Variants in CRACD observed in about 807,000 individuals in gnomAD.
CRACD encodes the protein capping protein inhibiting regulator of actin dynamics.
Under a neutral mutation model 106.8 loss-of-function variants are expected in CRACD, and 56 were observed. The ratio of observed to expected loss-of-function variants is 0.52; its 90% CI spans 0.42 to 0.66. The LOEUF (loss-of-function observed/expected upper bound fraction) is 0.66, where lower values mean the gene tolerates loss of function less well. Among genes scored for constraint, CRACD ranks in the 30% least tolerant of loss-of-function variants. CRACD has a pLI of 0.00. For missense variants in CRACD, 1,730 were observed against 1,623.2 expected, an observed-to-expected ratio of 1.07 and a Z score of -1.13; for synonymous variants, 754 against 670.8, an observed-to-expected ratio of 1.12 and a Z score of -1.92.
chr4:56,078,745 A>C (rs1010486962), intron 1 of CRACD, among the ~76,000 whole-genome samples: 1 of 152,142 alleles, frequency 6.6e-6, no homozygotes, highest in African/African-American at 2.4e-5. Flanking sequence ...TCCAAGTTTC[A>C]CTTTTCCCTT....
intron 2 of CRACD, among the ~76,000 whole-genome samples, chr4:56,185,294 C>G (rs1737039877): frequency 6.6e-6 from 1 of 152,106 alleles, no homozygotes. Flanking sequence ...GTTTTGCACC[C>G]GTCACCTCTG....
chr4:56,206,164 G>C (rs1338794512), intron 2 of CRACD, among the ~76,000 whole-genome samples: 1 of 152,228 alleles, frequency 6.6e-6, no homozygotes. Flanking sequence ...CGTTTTCCCT[G>C]TTAGGCTGTA....
At chr4:56,190,794 G>T (rs1035843495) in intron 2 of CRACD, among the ~76,000 whole-genome samples, 2 of 152,144 alleles carry the variant, frequency 1.3e-5, no homozygotes, top group Non-Finnish European at 2.9e-5. Flanking sequence ...CCACTAGGCA[G>T]TGCCCCAGTG....
Position 56,073,254 on chromosome 4 carries a change from C to T in CRACD, c.-336+23955C>T, listed in dbSNP as rs137856822. ...AAAAGCTTTCCTATTTCTCCACATC[C>T]TCTCCAGCATCTGTTGTTTCCTGTC... On this transcript the variant is annotated intron_variant, in intron 1 of 10. Transcript: ENST00000682029. Among the ~76,000 whole-genome samples, 949 of 152,328 alleles carry T rather than the reference C, an allele frequency of 6.2e-3. 10 individuals are homozygous for T. The highest frequency in any genetic ancestry group is 0.022 in the African/African-American group (894 of 41,570).
At chr4:56,120,722 C>A (rs1734456699) in intron 1 of CRACD, among the ~76,000 whole-genome samples, 1 of 152,246 alleles carries the variant, frequency 6.6e-6, no homozygotes, top group Non-Finnish European at 1.5e-5. Context: ...GATAGAATCC[C>A]ATAGTAACTA....
chr4:56,218,634 C>T (rs1439200850), intron 2 of CRACD, among the ~76,000 whole-genome samples: 1 of 149,652 alleles, frequency 6.7e-6, no homozygotes, highest in Non-Finnish European at 1.5e-5. Context: ...TTTCAACAGG[C>T]TCTCTCTCTG....
chr4:56,326,350 AAGAG>A (rs1271860977), intron 10 of CRACD, among the ~76,000 whole-genome samples: 1 of 152,218 alleles, frequency 6.6e-6, no homozygotes, highest in Non-Finnish European at 1.5e-5. Context: ...GAGTGAGAAA[AAGAG>A]AGAGAATGAG....
At chr4:56,228,959 A>G (rs1739465654) in intron 2 of CRACD, among the ~76,000 whole-genome samples, 1 of 152,232 alleles carries the variant, frequency 6.6e-6, no homozygotes, top group South Asian at 2.1e-4. Flanking sequence ...CGACAAGTAC[A>G]TATCACAGAG....
intron 2 of CRACD, among the ~76,000 whole-genome samples, chr4:56,243,512 C>G (rs1198948079): frequency 2.0e-5 from 3 of 152,172 alleles, no homozygotes; most frequent in Admixed American, 1.3e-4. Context: ...AACAAATACA[C>G]TATATTAAAA....
chr4:56,253,900 G>GT (rs896658497), intron 2 of CRACD, among the ~76,000 whole-genome samples: 1 of 152,106 alleles, frequency 6.6e-6, no homozygotes, highest in Non-Finnish European at 1.5e-5. Flanking sequence ...ACAGCTCTGG[G>GT]TTTTTTTCCT....
intron 1 of CRACD, among the ~76,000 whole-genome samples, chr4:56,151,779 T>C (rs1577695783): frequency 6.6e-6 from 1 of 152,272 alleles, no homozygotes; most frequent in African/African-American, 2.4e-5. Context: ...TTTTGCAGAT[T>C]ATTTGCCACT....
intron 2 of CRACD, among the ~76,000 whole-genome samples, chr4:56,189,448 G>A (rs999149474): frequency 3.3e-5 from 5 of 151,698 alleles, no homozygotes; most frequent in African/African-American, 4.8e-5. Flanking sequence ...TGCACAACCT[G>A]CAGGTTTGTT....
chr4:56,286,928 C>T (rs1295977201), intron 3 of CRACD, among the ~76,000 whole-genome samples: 1 of 152,158 alleles, frequency 6.6e-6, no homozygotes, highest in Non-Finnish European at 1.5e-5. Flanking sequence ...ACCATTGCTG[C>T]TGGCATGCTT....
chr4:56,138,492 G>A (rs1446848380), intron 1 of CRACD, among the ~76,000 whole-genome samples: 1 of 151,926 alleles, frequency 6.6e-6, no homozygotes, highest in South Asian at 2.1e-4. Flanking sequence ...AAAATAAAAA[G>A]TAAATCACTA....
chr4:56,216,219 T>G (rs1738666194), intron 2 of CRACD: 1 of 152,254 alleles, frequency 6.6e-6, no homozygotes. Context: ...AAATGGGCTC[T>G]TTGCATGATA....
At position 56,316,115 on chromosome 4, in the gene CRACD, G is replaced by T. The variant is rs760923358; in HGVS notation, c.2613G>T (p.Arg871Ser). 4.3e-6 allele frequency: 7 copies of T among 1,614,108 alleles called. No homozygotes were observed. In the South Asian group the frequency reaches 7.7e-5, roughly 18 times the overall value. ...DQQAEQKKKK[R>S]HSSTGDSADA... The stretch of plus-strand genomic sequence containing the variant: ...AGGCAGAACAGAAGAAGAAGAAGAG[G>T]CACAGCAGCACCGGAGACAGCGCGG... Residue 871 changes from arginine (R) to serine (S), a missense_variant, in exon 8 of 11, where the codon AGG (arginine) becomes AGT (serine). Arg to Ser is a moderately radical substitution (Grantham distance 110). Coordinates refer to ENST00000682029, the MANE Select transcript of CRACD (RefSeq NM_001393381.1).
intron 8 of CRACD, among the ~76,000 whole-genome samples, chr4:56,322,766 C>T (rs1245066686): frequency 3.3e-5 from 5 of 152,180 alleles, no homozygotes; most frequent in South Asian, 2.1e-4. Flanking sequence ...CAATGGCTCA[C>T]GCCTCTAATC....
chr4:56,280,434 T>G (rs1319550321), intron 3 of CRACD, among the ~76,000 whole-genome samples: 1 of 152,200 alleles, frequency 6.6e-6, no homozygotes, highest in Non-Finnish European at 1.5e-5. Context: ...TCCTTGAGTT[T>G]TCTGCACAAA....
chr4:56,081,947 C>A (rs1206731582), intron 1 of CRACD, among the ~76,000 whole-genome samples: 1 of 152,056 alleles, frequency 6.6e-6, no homozygotes, highest in Non-Finnish European at 1.5e-5. Flanking sequence ...TGTATTCTAG[C>A]CTGAGTGACA....
Sources: gnomAD v4.1 joint callset for allele counts (sites outside exome capture counted in the v4.1 genomes callset) on GRCh38, gnomAD v4.1.1 for gene constraint, MANE v1.5 for transcripts, NCBI Gene and HGNC (gene_info 2026-07-23, HGNC 2026-07-21) for gene names.